The following MELK variants were observed in gnomAD, a reference collection of about 807,000 sequenced individuals.
MELK encodes the protein pEg3 kinase.
A neutral mutation model predicts 85.0 loss-of-function variants in MELK; 81 were observed. The ratio of observed to expected loss-of-function variants is 0.95; its 90% CI spans 0.80 to 1.15. MELK has a LOEUF of 1.15. Among genes scored for constraint, MELK ranks in the 50% most tolerant of loss-of-function variants. MELK has a pLI of 0.00. For missense variants in MELK, 754 were observed against 777.5 expected, an observed-to-expected ratio of 0.97 and a Z score of 0.36; for synonymous variants, 252 against 265.0, an observed-to-expected ratio of 0.95 and a Z score of 0.48.
intron 4 of MELK, among the ~76,000 whole-genome samples, chr9:36,593,957 C>G (rs1178229252): frequency 6.6e-6 from 1 of 152,192 alleles, no homozygotes; most frequent in East Asian, 1.9e-4. Flanking sequence ...CAGGCCTGAG[C>G]CACGGCGCCT....
intron 11 of MELK, among the ~76,000 whole-genome samples, chr9:36,649,327 A>G (rs575690403): frequency 1.2e-4 from 19 of 152,152 alleles, no homozygotes; most frequent in Non-Finnish European, 2.2e-4. Flanking sequence ...TCTACTAAAA[A>G]TACAAAAAAA....
At chr9:36,640,749 C>T (rs1226841187) in intron 10 of MELK, among the ~76,000 whole-genome samples, 1 of 152,226 alleles carries the variant, frequency 6.6e-6, no homozygotes, top group East Asian at 1.9e-4. Context: ...TGTACTTTGG[C>T]CTGGGGCCTC....
intron 8 of MELK, among the ~76,000 whole-genome samples, chr9:36,618,632 T>A (rs535296830): frequency 1.1e-4 from 17 of 152,314 alleles, no homozygotes; most frequent in Admixed American, 3.3e-4. Flanking sequence ...CATTACTGTT[T>A]GCTTGTATTC....
In MELK at chr9:36,636,794, T is replaced by TCTGTCTG. The variant is rs1376599498; in HGVS notation, c.834+3594_834+3595insCTGTCTG. ...TTTCTTTCTTTCTTTCTGTCTGTCTTTCTTTCTTTCTGTCTTTCTTTCTTT... is the reference window on the plus strand; with the variant it reads ...TTTCTTTCTTTCTTTCTGTCTGTCTTCTGTCTGTCTTTCTTTCTGTCTTTCTTTCTTT... On this transcript the variant is annotated intron_variant, in intron 10 of 17. Transcript: ENST00000298048. Among the ~76,000 whole-genome samples the TCTGTCTG allele has an allele frequency of 1.9e-3, 168 of 88,660 alleles. 3 individuals are homozygous for TCTGTCTG. The highest frequency in any genetic ancestry group is 6.4e-3 in the African/African-American group (139 of 21,580). The allele number at this position is 88,660 out of a possible 152,430, so 58.2% of individuals were successfully genotyped here.
intron 16 of MELK, among the ~76,000 whole-genome samples, chr9:36,672,125 T>C (rs539131992): frequency 1.3e-5 from 2 of 152,298 alleles, no homozygotes; most frequent in African/African-American, 4.8e-5. Flanking sequence ...GAAGGGTGTT[T>C]TAGAGGAGAA....
At chr9:36,598,310 T>TGG (rs1824518365) in intron 6 of MELK, among the ~76,000 whole-genome samples, 1 of 152,136 alleles carries the variant, frequency 6.6e-6, no homozygotes, top group African/African-American at 2.4e-5. Context: ...CTGTGAGCCT[T>TGG]CATTTATGGC....
chr9:36,665,260 A>G, intron 13 of MELK, 90 bp from the exon 14 acceptor site: 1 of 719,768 alleles, frequency 1.4e-6, no homozygotes, highest in Non-Finnish European at 2.4e-6. Flanking sequence ...TAAAAATAGT[A>G]CAAGGTAGTT....
At chr9:36,665,952 A>G (rs546194388) in intron 14 of MELK, among the ~76,000 whole-genome samples, 1 of 152,304 alleles carries the variant, frequency 6.6e-6, no homozygotes, top group East Asian at 1.9e-4. Flanking sequence ...TAGACCTTTC[A>G]TGCCCATTTA....
At chr9:36,614,428 T>TG (rs1280329547) in intron 8 of MELK, among the ~76,000 whole-genome samples, 2 of 136,316 alleles carry the variant, frequency 1.5e-5, no homozygotes, top group Non-Finnish European at 3.1e-5. Context: ...TTTTTGGGTT[T>TG]TTTTTTTTTT....
chr9:36,654,607 C>T (rs1831049675), intron 12 of MELK, among the ~76,000 whole-genome samples: 1 of 151,986 alleles, frequency 6.6e-6, no homozygotes, highest in South Asian at 2.1e-4. Flanking sequence ...CCACCTGCCT[C>T]AGCCTCCCAA....
At chr9:36,663,106 GT>G (rs1832013689) in intron 13 of MELK, among the ~76,000 whole-genome samples, 1 of 149,694 alleles carries the variant, frequency 6.7e-6, no homozygotes, top group Non-Finnish European at 1.5e-5. Flanking sequence ...TTGAGACAGA[GT>G]TTCTCTCTTC....
At chr9:36,608,629 TAG>T (rs1825794613) in intron 8 of MELK, among the ~76,000 whole-genome samples, 1 of 152,046 alleles carries the variant, frequency 6.6e-6, no homozygotes, top group Non-Finnish European at 1.5e-5. Context: ...TTGCCCAGGC[TAG>T]AGTGCAATGG....
chr9:36,676,716 G>C (rs1160178109), intron 17 of MELK, among the ~76,000 whole-genome samples: 1 of 152,160 alleles, frequency 6.6e-6, no homozygotes, highest in Non-Finnish European at 1.5e-5. Context: ...ACTGGCTTCA[G>C]CTTTATTTAT....
intron 16 of MELK, among the ~76,000 whole-genome samples, chr9:36,673,550 T>C (rs1833080063): frequency 6.6e-6 from 1 of 152,152 alleles, no homozygotes; most frequent in East Asian, 1.9e-4. Flanking sequence ...TGCCTCAGCT[T>C]CCTGAGTAGC....
chr9:36,601,024 G>GT (rs898767127), intron 7 of MELK, among the ~76,000 whole-genome samples: 29 of 150,450 alleles, frequency 1.9e-4, no homozygotes, highest in Admixed American at 3.3e-4. Flanking sequence ...ATATATGCAT[G>GT]TTTTTTTTTG....
intron 8 of MELK, among the ~76,000 whole-genome samples, chr9:36,624,083 C>CT (rs774510229): frequency 0.089 from 11,798 of 132,900 alleles, 1,605 homozygotes; most frequent in African/African-American, 0.28. Flanking sequence ...TATTATACTT[C>CT]TTTTTTTTTT....
At chr9:36,605,158 G>A (rs1825366313) in intron 7 of MELK, among the ~76,000 whole-genome samples, 1 of 151,898 alleles carries the variant, frequency 6.6e-6, no homozygotes, top group South Asian at 2.1e-4. Context: ...CCCAAAGTGT[G>A]GATTACAGGC....
At chr9:36,636,770 T>TCTGTCTG (rs1829207425) in intron 10 of MELK, among the ~76,000 whole-genome samples, 1 of 111,172 alleles carries the variant, frequency 9.0e-6, no homozygotes, top group African/African-American at 3.8e-5. Context: ...CTTTCTTTCT[T>TCTGTCTG]TCTTTCTTTC....
Position 36,572,938 on chromosome 9 carries a change from C to G in MELK, c.-108C>G, listed in dbSNP as rs544968666. 6.6e-6 allele frequency: 1 copy of G among 152,194 alleles called. No individual in the cohort carries two copies. The highest frequency in any genetic ancestry group is 2.1e-4 in the South Asian group (1 of 4,828). 9.4% of individuals were successfully genotyped at this position (152,194 alleles called of 1,614,324 possible). A position where few individuals can be genotyped will look rare whatever the true frequency, so the allele number is the denominator to read the frequency against. ...AGATTCTTAGGAACGCCGTACCAGC[C>G]GCGTCTCTCAGGACAGCAGGCCCCT... On this transcript the variant is annotated 5_prime_UTR_variant, in exon 1 of 18. Transcript: ENST00000298048.
Sources: gnomAD v4.1 joint callset for allele counts (sites outside exome capture counted in the v4.1 genomes callset) on GRCh38, gnomAD v4.1.1 for gene constraint, MANE v1.5 for transcripts, NCBI Gene and HGNC (gene_info 2026-07-23, HGNC 2026-07-21) for gene names.